MYOF: variants seen among roughly 807,000 people sequenced by gnomAD.
MYOF encodes myoferlin.
In MYOF, 244 loss-of-function variants were observed where a neutral mutation model predicts 284.2. The observed-to-expected ratio is 0.86, with a 90% CI of 0.77 to 0.95. The LOEUF (loss-of-function observed/expected upper bound fraction) is 0.95. MYOF is among the 40% of genes least tolerant of loss of function. MYOF has a pLI of 0.00. For synonymous variants in MYOF, 904 were observed against 919.7 expected, an observed-to-expected ratio of 0.98 and a Z score of 0.31; for missense variants, 2,496 against 2,560.6, an observed-to-expected ratio of 0.97 and a Z score of 0.54.
chr10:93,385,970 AT>A (rs1846345650), intron 19 of MYOF, among the ~76,000 whole-genome samples: 1 of 152,140 alleles, frequency 6.6e-6, no homozygotes. Context: ...TTTAAAAAAT[AT>A]TTTCTTGGGC....
chr10:93,420,376 G>A (rs1483983033), intron 5 of MYOF, among the ~76,000 whole-genome samples: 1 of 152,164 alleles, frequency 6.6e-6, no homozygotes, highest in Non-Finnish European at 1.5e-5. Flanking sequence ...CTGGAGACTG[G>A]GTCAGCCCTC....
intron 1 of MYOF, among the ~76,000 whole-genome samples, chr10:93,474,541 C>T (rs79228792): frequency 1.1e-4 from 17 of 152,270 alleles, no homozygotes; most frequent in African/African-American, 3.9e-4. Flanking sequence ...TAGTCGGTCA[C>T]CTAGGCCTGA....
chr10:93,400,311 TTTCTTC>T lies in MYOF; in HGVS notation c.1118-822_1118-817del, dbSNP rs200098833. On this transcript the variant is annotated intron_variant, in intron 12 of 53. Transcript: ENST00000359263. ...TAATTTACCTTATTTTATGTATTTCTTTCTTCTTCTTCTTCTTCTTTTTTTTTTTTT... is the reference window on the plus strand; with the variant it reads ...TAATTTACCTTATTTTATGTATTTCTTTCTTCTTCTTCTTTTTTTTTTTTT... Among the ~76,000 whole-genome samples the T allele has an allele frequency of 2.7e-4, 40 of 145,948 alleles. 7 individuals are homozygous for T. Among genetic ancestry groups the T allele is most frequent in the African/African-American group, 4.0e-4 (16 of 40,072 alleles).
At chr10:93,467,895 G>A (rs2057050005) in intron 1 of MYOF, among the ~76,000 whole-genome samples, 1 of 152,202 alleles carries the variant, frequency 6.6e-6, no homozygotes, top group Admixed American at 6.5e-5. Context: ...CAGGCAGAGG[G>A]TGCCAGGCGA....
intron 1 of MYOF, among the ~76,000 whole-genome samples, chr10:93,463,715 T>A (rs1292298806): frequency 6.6e-6 from 1 of 151,824 alleles, no homozygotes; most frequent in Admixed American, 6.6e-5. Context: ...CTACAAAATA[T>A]TTAAAAATTA....
At chr10:93,320,608 C>G (rs1842807031) in intron 48 of MYOF, among the ~76,000 whole-genome samples, 1 of 152,084 alleles carries the variant, frequency 6.6e-6, no homozygotes, top group Non-Finnish European at 1.5e-5. Context: ...AACATCTTAA[C>G]TTTTAACGTT....
At chr10:93,465,319 C>T (rs1043801352) in intron 1 of MYOF, among the ~76,000 whole-genome samples, 2 of 152,096 alleles carry the variant, frequency 1.3e-5, no homozygotes, top group African/African-American at 4.8e-5. Context: ...TTGTTATTCC[C>T]CCCACAACGC....
chr10:93,364,604 C>T lies in MYOF; in HGVS notation c.2754-529G>A, dbSNP rs553393714. Among the ~76,000 whole-genome samples, 22 of 152,268 alleles carry T rather than the reference C, an allele frequency of 1.4e-4. No homozygotes were observed. In the South Asian group the frequency reaches 1.5e-3, roughly 10 times the overall value. ...TCTGGAGAGTTCCTAGGTAGACAGC[C>T]AAACCAGGTCATTTCAGACTCCAAA... On this transcript the variant is annotated intron_variant, in intron 26 of 53. Transcript: ENST00000359263.
chr10:93,437,223 T>C (rs938038573), intron 3 of MYOF, among the ~76,000 whole-genome samples: 1 of 152,218 alleles, frequency 6.6e-6, no homozygotes, highest in Non-Finnish European at 1.5e-5. Context: ...CCAGTCAACT[T>C]AGTCTTGCAA....
intron 32 of MYOF, among the ~76,000 whole-genome samples, chr10:93,352,118 G>A (rs1347000160): frequency 6.6e-6 from 1 of 152,184 alleles, no homozygotes; most frequent in Non-Finnish European, 1.5e-5. Flanking sequence ...GTTTTTCTCT[G>A]CAAAAGTACT....
chr10:93,310,019 C>A lies in MYOF; in HGVS notation c.6147+1G>T. 1 of 1,614,024 alleles carries A rather than the reference C, an allele frequency of 6.2e-7. No individual in the cohort carries two copies. Among genetic ancestry groups the A allele is most frequent in the South Asian group, 1.1e-5 (1 of 91,062 alleles). On this transcript the variant is annotated splice_donor_variant, in intron 53 of 53. Transcript: ENST00000359263. LOFTEE classifies it high-confidence loss of function. ...ACAAGGGGCCAAGGAAGGGCTCCTA[C>A]CGGCAAAGAGTAGAGGAGCACGGCC...
chr10:93,472,862 C>T (rs1197667742), intron 1 of MYOF, among the ~76,000 whole-genome samples: 1 of 152,176 alleles, frequency 6.6e-6, no homozygotes, highest in Admixed American at 6.5e-5. Context: ...CTGTATGTCC[C>T]TGCAGCAATG....
chr10:93,386,899 A>G (rs1474119222), intron 19 of MYOF, among the ~76,000 whole-genome samples: 1 of 152,172 alleles, frequency 6.6e-6, no homozygotes, highest in South Asian at 2.1e-4. Flanking sequence ...GCCTGGACTC[A>G]GATGAAAACG....
chr10:93,373,194 A>G, intron 23 of MYOF, 109 bp from the exon 24 acceptor site: 1 of 1,298,396 alleles, frequency 7.7e-7, no homozygotes, highest in Non-Finnish European at 1.1e-6. Context: ...TAGCAAAGAA[A>G]CGCTGTGGTT....
intron 31 of MYOF, 82 bp downstream of exon 31, chr10:93,355,546 C>T: frequency 1.7e-6 from 2 of 1,149,232 alleles, no homozygotes; most frequent in South Asian, 1.4e-5. Context: ...TACCACTGCA[C>T]TCCAGCCTGG....
intron 3 of MYOF, among the ~76,000 whole-genome samples, chr10:93,431,900 C>G (rs1185785061): frequency 6.6e-6 from 1 of 152,026 alleles, no homozygotes; most frequent in Non-Finnish European, 1.5e-5. Context: ...CACCCACCAC[C>G]ACGCCCAGCT....
At chr10:93,345,337 C>G (rs1241213442) in intron 37 of MYOF, among the ~76,000 whole-genome samples, 1 of 152,162 alleles carries the variant, frequency 6.6e-6, no homozygotes, top group East Asian at 1.9e-4. Context: ...TCACTTGCTT[C>G]AGGTGAAACA....
At chr10:93,365,399 C>T (rs1845280435) in intron 26 of MYOF, among the ~76,000 whole-genome samples, 2 of 152,178 alleles carry the variant, frequency 1.3e-5, no homozygotes, top group Non-Finnish European at 2.9e-5. Flanking sequence ...TCTTTACCAC[C>T]TTCTACTGTT....
At chr10:93,393,085 C>A in intron 16 of MYOF, 130 bp from the exon 17 acceptor site, 1 of 770,076 alleles carries the variant, frequency 1.3e-6, no homozygotes, top group South Asian at 1.5e-5. Flanking sequence ...AAATTCAGAC[C>A]CAAGTCACAT....
Sources: gnomAD v4.1 joint callset for allele counts (sites outside exome capture counted in the v4.1 genomes callset) on GRCh38, gnomAD v4.1.1 for gene constraint, MANE v1.5 for transcripts, NCBI Gene and HGNC (gene_info 2026-07-23, HGNC 2026-07-21) for gene names.